Variants in USP26 observed in about 807,000 individuals in gnomAD.
USP26 encodes ubiquitin carboxyl-terminal hydrolase 26.
For synonymous variants in USP26, 236 were observed against 240.6 expected (o/e 0.98, Z 0.18); for missense variants, 649 against 642.3 (o/e 1.01, Z -0.11).
At chrX:133,054,302 A>G (rs992209606) in intron 5 of USP26, among the ~76,000 whole-genome samples, 4 of 110,923 alleles carry the variant, frequency 3.6e-5, no homozygotes, top group African/African-American at 1.3e-4. Flanking sequence ...CCAATTAATT[A>G]TTTTACCTTC....
chrX:133,044,259 C>G lies in USP26; in HGVS notation c.-76-15963G>C, dbSNP rs186816174. On this transcript the variant is annotated intron_variant, in intron 5 of 5. Transcript: ENST00000511190. Reference sequence around the variant, plus strand: ...CTCACTCTTGGCGCCTCCTCAGCCTCAGCGCCCACTCTGGCCGCGCTTGAG... The same window carrying G: ...CTCACTCTTGGCGCCTCCTCAGCCTGAGCGCCCACTCTGGCCGCGCTTGAG... 3.6e-3 allele frequency among the ~76,000 whole-genome samples: 405 copies of G among 113,535 alleles called. 3 individuals carry two copies. The highest frequency in any genetic ancestry group is 8.8e-3 in the African/African-American group (277 of 31,371).
At position 133,024,530 on chromosome X, in the gene USP26, T is replaced by G. The variant is rs1167279510; in HGVS notation, c.*949A>C. ...ATTTGACTTGGCGTTTAGCCTCATCTATATATGCCCAAGAGGATTCAAAAG... is the reference window on the plus strand; with the variant it reads ...ATTTGACTTGGCGTTTAGCCTCATCGATATATGCCCAAGAGGATTCAAAAG... On this transcript the variant is annotated 3_prime_UTR_variant, in exon 6 of 6. Transcript: ENST00000511190. 8.9e-6 allele frequency: 1 copy of G among 111,948 alleles called. No homozygotes were observed. The highest frequency in any genetic ancestry group is 3.2e-5 in the African/African-American group (1 of 30,829). 9.2% of individuals were successfully genotyped at this position (111,948 alleles called of 1,213,427 possible).
At chrX:133,080,226 AT>A (rs2067565251) in intron 5 of USP26, among the ~76,000 whole-genome samples, 1 of 111,691 alleles carries the variant, frequency 9.0e-6, no homozygotes, top group South Asian at 3.8e-4. Flanking sequence ...ACAAGATCAT[AT>A]TTAAAAAAAT....
chrX:133,025,926 G>A lies in USP26; in HGVS notation c.2295C>T (p.Thr765=). ...TTAGGAGGTTCTTTGTGTGCCCCTGGGTGCCTGGCTTTGGAAAGCTTTGAG... is the reference window on the plus strand; with the variant it reads ...TTAGGAGGTTCTTTGTGTGCCCCTGAGTGCCTGGCTTTGGAAAGCTTTGAG... The part of the protein sequence containing the change: ...ALPQSFPKPG[T]QGHTKNLLRP... The change falls in exon 6 of 6, where the codon ACC becomes ACT. Residue 765 remains threonine (T), a synonymous_variant. Coordinates refer to ENST00000511190, the MANE Select transcript of USP26 (RefSeq NM_031907.3). 1 of 1,211,075 alleles carries A rather than the reference G, an allele frequency of 8.3e-7. No individual in the cohort carries two copies. Among genetic ancestry groups the A allele is most frequent in the Non-Finnish European group, 1.1e-6 (1 of 895,371 alleles).
chrX:133,095,093 CA>C (rs35394795), intron 1 of USP26, among the ~76,000 whole-genome samples: 7,475 of 50,666 alleles, frequency 0.15, 586 homozygotes, highest in African/African-American at 0.42. Flanking sequence ...AGACTCTTGT[CA>C]AAAAAAAAAA....
chrX:133,083,565 T>C (rs768055325), intron 5 of USP26, 142 bp downstream of exon 5: 1 of 111,987 alleles, frequency 8.9e-6, no homozygotes, highest in Non-Finnish European at 1.9e-5. Context: ...ATAAGCACCT[T>C]TGATGGACAA....
chrX:133,026,965 T>A lies in USP26; in HGVS notation c.1256A>T (p.Gln419Leu), dbSNP rs763404250. 19 of 1,209,354 alleles carry A rather than the reference T, an allele frequency of 1.6e-5. No homozygotes were observed. Among genetic ancestry groups the A allele is most frequent in the African/African-American group, 5.3e-5 (3 of 57,054 alleles). ...GGTGTCAGGATCATCAGCAAAAACC[T>A]GTTTAGGAAAATTATCTTCCCCAAA... The part of the protein sequence containing the change: ...SEFGEDNFPK[Q>L]VFADDPDTSG... Residue 419 changes from glutamine (Q) to leucine (L), a missense_variant, in exon 6 of 6, where the codon CAG (glutamine) becomes CTG (leucine). Gln to Leu is a moderately radical substitution (Grantham distance 113). Transcript: ENST00000511190.
chrX:133,024,100 A>G lies in USP26; in HGVS notation c.*1379T>C, dbSNP rs1274238220. ...TAAATCCCCTGGATTTTAATGAAAT[A>G]TGACCACCCTAGGATCCATGCATCT... On this transcript the variant is annotated 3_prime_UTR_variant, in exon 6 of 6. Coordinates refer to ENST00000511190, the MANE Select transcript of USP26 (RefSeq NM_031907.3). Among the ~76,000 whole-genome samples, 44 of 111,449 alleles carry G rather than the reference A, an allele frequency of 3.9e-4. No homozygotes were observed. The Admixed American group carries it at 4.2e-3, about 11-fold the overall frequency.
chrX:133,025,922 C>T lies in USP26; in HGVS notation c.2299G>A (p.Gly767Arg). The change falls in exon 6 of 6, where the codon GGG becomes AGG. Residue 767 changes from glycine to arginine, a missense_variant. Gly to Arg is a moderately radical substitution (Grantham distance 125). Transcript: ENST00000511190. Reference protein sequence around the residue: ...PQSFPKPGTQGHTKNLLRPTK... With the variant: ...PQSFPKPGTQRHTKNLLRPTK... ...GGTCTTAGGAGGTTCTTTGTGTGCC[C>T]CTGGGTGCCTGGCTTTGGAAAGCTT... 8.3e-7 allele frequency: 1 copy of T among 1,210,658 alleles called. No individual in the cohort carries two copies. Among genetic ancestry groups the T allele is most frequent in the Non-Finnish European group, 1.1e-6 (1 of 895,300 alleles).
chrX:133,082,810 A>G (rs1347325516), intron 5 of USP26, among the ~76,000 whole-genome samples: 2 of 111,770 alleles, frequency 1.8e-5, no homozygotes, highest in Admixed American at 9.5e-5. Context: ...ACCATGAAAA[A>G]TAAAAGTTTC....
At chrX:133,086,921 A>C (rs1463141419) in intron 4 of USP26, among the ~76,000 whole-genome samples, 55 of 108,559 alleles carry the variant, frequency 5.1e-4, no homozygotes, top group African/African-American at 1.6e-3. Flanking sequence ...CTCAAAAAAA[A>C]AAAAAAAAAA....
intron 5 of USP26, among the ~76,000 whole-genome samples, chrX:133,057,223 A>G (rs1289634749): frequency 8.9e-6 from 1 of 111,906 alleles, no homozygotes; most frequent in African/African-American, 3.2e-5. Context: ...CATTAGGTAT[A>G]AAAAGTTTTA....
intron 5 of USP26, among the ~76,000 whole-genome samples, chrX:133,040,561 C>G (rs1344068662): frequency 1.8e-5 from 2 of 111,919 alleles, no homozygotes; most frequent in African/African-American, 6.5e-5. Flanking sequence ...GAGAGATTTG[C>G]TGTTAGTCTG....
intron 5 of USP26, among the ~76,000 whole-genome samples, chrX:133,076,321 A>C (rs555205412): frequency 9.0e-6 from 1 of 110,880 alleles, no homozygotes; most frequent in South Asian, 3.9e-4. Context: ...ATAAAGGCTA[A>C]CTCTTTGAGT....
chrX:133,032,563 T>C (rs1440717100), intron 5 of USP26, among the ~76,000 whole-genome samples: 1 of 112,198 alleles, frequency 8.9e-6, no homozygotes, highest in Non-Finnish European at 1.9e-5. Flanking sequence ...CTAATAGTCA[T>C]ATATTTACAG....
chrX:133,046,316 C>G (rs1186190150), intron 5 of USP26, among the ~76,000 whole-genome samples: 1 of 111,930 alleles, frequency 8.9e-6, no homozygotes, highest in African/African-American at 3.3e-5. Context: ...TATATAGACG[C>G]TTGTTTGGAA....
intron 5 of USP26, among the ~76,000 whole-genome samples, chrX:133,079,786 G>C (rs1405615419): frequency 1.8e-5 from 2 of 111,863 alleles, no homozygotes; most frequent in African/African-American, 6.5e-5. Flanking sequence ...TGGTGGAGCT[G>C]CAGAAGAAAT....
chrX:133,054,729 G>A (rs888346496), intron 5 of USP26, among the ~76,000 whole-genome samples: 15 of 111,311 alleles, frequency 1.3e-4, no homozygotes, highest in Non-Finnish European at 2.8e-4. Context: ...TAAATTATTT[G>A]GTGTAATAAT....
chrX:133,059,253 T>G (rs1035792906), intron 5 of USP26, among the ~76,000 whole-genome samples: 2 of 111,390 alleles, frequency 1.8e-5, no homozygotes, highest in African/African-American at 6.5e-5. Context: ...CTAATACAAG[T>G]TGAGTCTCTC....
Sources: allele counts gnomAD v4.1 joint callset (sites outside exome capture counted in the v4.1 genomes callset), GRCh38; gene constraint gnomAD v4.1.1; transcripts MANE v1.5; gene names NCBI Gene and HGNC (gene_info 2026-07-23, HGNC 2026-07-21).